MYLK: variants seen among roughly 807,000 people sequenced by gnomAD.
MYLK encodes myosin light chain kinase, also known as myosin light chain kinase, smooth muscle.
A neutral mutation model predicts 203.4 loss-of-function variants in MYLK; 106 were observed. The observed-to-expected ratio is 0.52, with a 90% CI of 0.45 to 0.61. The LOEUF (loss-of-function observed/expected upper bound fraction) is 0.61. Ranked by LOEUF, MYLK falls within the 20% of genes least tolerant of loss-of-function variation. The pLI is 0.00. For synonymous variants in MYLK, 867 were observed against 959.5 expected (o/e 0.90, Z 1.78); for missense variants, 2,072 against 2,442.3 (o/e 0.85, Z 3.20).
Position 123,722,264 on chromosome 3 carries a change from G to T in MYLK, c.1668C>A (p.Tyr556Ter). 1 of 1,569,572 alleles carries T rather than the reference G, an allele frequency of 6.4e-7. No individual in the cohort carries two copies. Among genetic ancestry groups the T allele is most frequent in the African/African-American group, 1.3e-5 (1 of 74,224 alleles). The part of the protein sequence containing the change: ...TWLLNGQPIQ[Y>*]ARSTCEAGVA... ...CGCCGGCCTCGCAGGTGGAGCGAGCGTACTGGATGGGCTGCCCTGTGGAGG... is the reference window on the plus strand; with the variant it reads ...CGCCGGCCTCGCAGGTGGAGCGAGCTTACTGGATGGGCTGCCCTGTGGAGG... The change falls in exon 13 of 34, where the codon TAC (tyrosine) becomes TAA (stop). Residue 556 changes from tyrosine (Y) to a stop codon, truncating the protein, a stop_gained. Coordinates refer to ENST00000360304, the MANE Select transcript of MYLK (RefSeq NM_053025.4). LOFTEE classifies it high-confidence loss of function.
chr3:123,612,748 G>A lies in MYLK; in HGVS notation c.*1357C>T, dbSNP rs1369604043. ...ATTGCACTGAAGTAATTTTAAATTG[G>A]TTCTTAAGGAACTCTTAAAAAGTCC... On this transcript the variant is annotated 3_prime_UTR_variant, in exon 34 of 34. Transcript: ENST00000360304. 6.6e-6 allele frequency: 1 copy of A among 152,418 alleles called. No homozygotes were observed. The highest frequency in any genetic ancestry group is 1.9e-4 in the East Asian group (1 of 5,188). The allele number at this position is 152,418 out of a possible 1,614,324, so 9.4% of individuals were successfully genotyped here. A position where few individuals can be genotyped will look rare whatever the true frequency, so the allele number is the denominator to read the frequency against.
intron 2 of MYLK, among the ~76,000 whole-genome samples, chr3:123,849,422 A>C (rs934739539): frequency 2.6e-5 from 4 of 152,224 alleles, no homozygotes. Flanking sequence ...AAGAATTGTG[A>C]TATAAATAAA....
intron 3 of MYLK, among the ~76,000 whole-genome samples, chr3:123,802,065 T>TG (rs764352226): frequency 3.3e-5 from 5 of 152,216 alleles, no homozygotes; most frequent in African/African-American, 4.8e-5. Flanking sequence ...AGTGTCTTTC[T>TG]TTTTTTCTCC....
At chr3:123,649,312 C>G in intron 24 of MYLK, 118 bp from the exon 25 acceptor site, 2 of 1,335,768 alleles carry the variant, frequency 1.5e-6, no homozygotes. Context: ...AGACGACTAC[C>G]AGGTCCAGAG....
At chr3:123,857,416 G>C (rs1310888077) in intron 2 of MYLK, among the ~76,000 whole-genome samples, 1 of 151,912 alleles carries the variant, frequency 6.6e-6, no homozygotes, top group African/African-American at 2.4e-5. Context: ...AACAATGATA[G>C]ACTGGATTAA....
chr3:123,734,481 T>C (rs2062606191), intron 9 of MYLK: 2 of 398,624 alleles, frequency 5.0e-6, no homozygotes, highest in South Asian at 7.5e-5. Context: ...CCTTCTCTAC[T>C]AGTGCCTCCG....
chr3:123,755,289 C>A (rs1198301421), intron 4 of MYLK, among the ~76,000 whole-genome samples: 1 of 152,210 alleles, frequency 6.6e-6, no homozygotes, highest in Non-Finnish European at 1.5e-5. Context: ...GCTCACTGGG[C>A]TCTGGGGCAT....
intron 2 of MYLK, among the ~76,000 whole-genome samples, chr3:123,872,299 C>A (rs961847780): frequency 2.6e-5 from 4 of 152,284 alleles, no homozygotes; most frequent in East Asian, 1.9e-4. Context: ...TTTTAACTCC[C>A]AGAACACTTC....
chr3:123,817,007 A>G (rs959363436), intron 3 of MYLK, among the ~76,000 whole-genome samples: 5 of 152,238 alleles, frequency 3.3e-5, no homozygotes, highest in Admixed American at 1.3e-4. Context: ...TGCAGATTTA[A>G]TATCAGTGGC....
intron 11 of MYLK, 56 bp from the exon 12 acceptor site, chr3:123,726,134 C>T (rs2062274319): frequency 2.5e-6 from 4 of 1,608,112 alleles, no homozygotes; most frequent in African/African-American, 1.3e-5. Context: ...TCTGGTGATG[C>T]CTGCAGTCAC....
chr3:123,612,919 G>GA lies in MYLK; in HGVS notation c.*1185dup, dbSNP rs1320261007. On this transcript the variant is annotated 3_prime_UTR_variant, in exon 34 of 34. Coordinates refer to ENST00000360304, the MANE Select transcript of MYLK (RefSeq NM_053025.4). ...TATGACCTTCAAAAAGCTTTATAAA[G>GA]AAAAAATTTAAGTGCCAATGTAGTG... The GA allele has an allele frequency of 7.1e-6, 1 of 140,044 alleles. No homozygotes were observed. Among genetic ancestry groups the GA allele is most frequent in the South Asian group, 2.2e-4 (1 of 4,540 alleles). The allele number at this position is 140,044 out of a possible 1,614,324, so 8.7% of individuals were successfully genotyped here.
chr3:123,781,444 T>C (rs1407967800), intron 4 of MYLK, among the ~76,000 whole-genome samples: 1 of 152,186 alleles, frequency 6.6e-6, no homozygotes, highest in Admixed American at 6.5e-5. Flanking sequence ...TGGCCCTCCA[T>C]GCACATACTT....
At chr3:123,626,256 A>G (rs1464602915) in intron 31 of MYLK, among the ~76,000 whole-genome samples, 1 of 152,202 alleles carries the variant, frequency 6.6e-6, no homozygotes, top group African/African-American at 2.4e-5. Context: ...TGTAATTCTC[A>G]TAATTATCAC....
chr3:123,796,566 C>CA (rs2109124073), intron 3 of MYLK, among the ~76,000 whole-genome samples: 1 of 152,296 alleles, frequency 6.6e-6, no homozygotes, highest in Admixed American at 6.5e-5. Flanking sequence ...TTGCACCAAA[C>CA]AAAGGTCTTT....
intron 2 of MYLK, among the ~76,000 whole-genome samples, chr3:123,843,121 G>A (rs941595173): frequency 3.9e-5 from 6 of 152,106 alleles, no homozygotes; most frequent in East Asian, 3.8e-4. Context: ...CACAACTCCC[G>A]TATCAGTAAT....
Position 123,786,355 on chromosome 3 carries a change from G to C in MYLK, c.165+7322C>G, listed in dbSNP as rs564522616. On this transcript the variant is annotated intron_variant, in intron 4 of 33. Transcript: ENST00000360304. ...AAATGAGTCTCATATATATATAAAA[G>C]TATTATAGGCGTTCAGAGAAGGGAA... Among the ~76,000 whole-genome samples the C allele has an allele frequency of 2.4e-4, 37 of 151,434 alleles. 2 individuals are homozygous for C. In the South Asian group the frequency reaches 7.5e-3, roughly 31 times the overall value.
chr3:123,876,891 A>C (rs1424122762), intron 1 of MYLK, among the ~76,000 whole-genome samples: 1 of 152,210 alleles, frequency 6.6e-6, no homozygotes, highest in Non-Finnish European at 1.5e-5. Flanking sequence ...TACAGATATA[A>C]AATTTTAGCA....
At chr3:123,842,185 T>C (rs2066607193) in intron 2 of MYLK, among the ~76,000 whole-genome samples, 2 of 151,958 alleles carry the variant, frequency 1.3e-5, no homozygotes, top group South Asian at 2.1e-4. Flanking sequence ...TTGAAAATAA[T>C]AAATGAAAAA....
At position 123,700,405 on chromosome 3, in the gene MYLK, C is replaced by G. The variant is rs1157139959; in HGVS notation, c.3063G>C (p.Gly1021=). Residue 1021 remains glycine (G), a synonymous_variant, in exon 18 of 34, where the codon GGG becomes GGC. Transcript: ENST00000360304. ...SKPLSNAQPS[G]PLKPVGNAKP... ...TGGCGTTGCCCACGGGTTTCAAGGG[C>G]CCTGAAGGCTGTGCATTGCTCAGGG... 6.2e-7 allele frequency: 1 copy of G among 1,613,188 alleles called. No individual in the cohort carries two copies. The highest frequency in any genetic ancestry group is 1.3e-5 in the African/African-American group (1 of 74,708).
Sources: allele counts gnomAD v4.1 joint callset (sites outside exome capture counted in the v4.1 genomes callset), GRCh38; gene constraint gnomAD v4.1.1; transcripts MANE v1.5; gene names NCBI Gene and HGNC (gene_info 2026-07-23, HGNC 2026-07-21).